KCNMB2: variants seen among roughly 807,000 people sequenced by gnomAD.
KCNMB2 encodes the protein calcium-activated potassium channel subunit beta-2.
A neutral mutation model predicts 24.5 loss-of-function variants in KCNMB2; 9 were observed. That is an observed-to-expected ratio of 0.37 (90% CI 0.22 to 0.64). The LOEUF (loss-of-function observed/expected upper bound fraction) is 0.64, where lower values mean the gene tolerates loss of function less well. Ranked by LOEUF, KCNMB2 falls within the 30% of genes least tolerant of loss-of-function variation. KCNMB2 has a pLI of 0.63. For missense variants in KCNMB2, 226 were observed against 284.3 expected, an observed-to-expected ratio of 0.79 and a Z score of 1.47; for synonymous variants, 109 against 104.4, an observed-to-expected ratio of 1.04 and a Z score of -0.27.
intron 1 of KCNMB2, among the ~76,000 whole-genome samples, chr3:178,630,040 T>C (rs1719259623): frequency 6.6e-6 from 1 of 152,214 alleles, no homozygotes; most frequent in African/African-American, 2.4e-5. Flanking sequence ...GAATCTCCAG[T>C]GCTAAAGGAA....
intron 1 of KCNMB2, among the ~76,000 whole-genome samples, chr3:178,679,566 A>C (rs867073054): frequency 1.3e-5 from 2 of 152,354 alleles, no homozygotes; most frequent in African/African-American, 2.4e-5. Flanking sequence ...GCTCAGAGTG[A>C]CATGCTGATT....
intron 1 of KCNMB2, among the ~76,000 whole-genome samples, chr3:178,737,202 G>A (rs1723346453): frequency 6.6e-6 from 1 of 152,080 alleles, no homozygotes; most frequent in South Asian, 2.1e-4. Flanking sequence ...CCCAGGAGGC[G>A]GAGGTTGCAG....
At position 178,696,828 on chromosome 3, in the gene KCNMB2, TA is replaced by T. The variant is rs1721895559; in HGVS notation, c.-67-110514del. Among the ~76,000 whole-genome samples, 3 of 148,730 alleles carry T rather than the reference TA, an allele frequency of 2.0e-5. No individual in the cohort carries two copies. In the East Asian group the frequency reaches 5.9e-4, roughly 29 times the overall value. On this transcript the variant is annotated intron_variant, in intron 1 of 4. Transcript: ENST00000452583. ...TGTTCTCAAAAGTAAATAATGATATTATTTACCAAAAAGTAAATTACTTTTA... is the reference window on the plus strand; with the variant it reads ...TGTTCTCAAAAGTAAATAATGATATTTTTACCAAAAAGTAAATTACTTTTA...
intron 1 of KCNMB2, among the ~76,000 whole-genome samples, chr3:178,557,195 C>T (rs1716153994): frequency 6.6e-6 from 1 of 152,142 alleles, no homozygotes; most frequent in African/African-American, 2.4e-5. Flanking sequence ...GGATTATTTA[C>T]TAGTTTTCCC....
At chr3:178,771,560 C>A (rs574513113) in intron 1 of KCNMB2, among the ~76,000 whole-genome samples, 1 of 143,742 alleles carries the variant, frequency 7.0e-6, no homozygotes, top group South Asian at 2.2e-4. Flanking sequence ...TAGCTCACTG[C>A]AGCCTCAACC....
chr3:178,622,305 A>G lies in KCNMB2; in HGVS notation c.-68+85594A>G, dbSNP rs144881035. 8.3e-3 allele frequency among the ~76,000 whole-genome samples: 1,262 copies of G among 152,286 alleles called. 8 individuals carry two copies. The highest frequency in any genetic ancestry group is 0.011 in the Non-Finnish European group (777 of 68,020). On this transcript the variant is annotated intron_variant, in intron 1 of 4. Coordinates refer to ENST00000452583, the MANE Select transcript of KCNMB2 (RefSeq NM_181361.3). ...TAAATATTTGAATTAATGAATGGAC[A>G]AATGAAAAGCTGAGTACACAGATCT...
chr3:178,698,334 T>C lies in KCNMB2; in HGVS notation c.-67-109009T>C, dbSNP rs59556092. ...CTTCATTCTTTTTCATTCTCTTTTC[T>C]CTATTCTTGTCTGCCTGTCTTATTT... On this transcript the variant is annotated intron_variant, in intron 1 of 4. Transcript: ENST00000452583. Among the ~76,000 whole-genome samples the C allele has an allele frequency of 1.9e-3, 255 of 135,230 alleles. 1 individual carries two copies. The highest frequency in any genetic ancestry group is 7.5e-3 in the African/African-American group (244 of 32,738). The allele number at this position is 135,230 out of a possible 152,430, so 88.7% of individuals were successfully genotyped here.
chr3:178,626,557 C>A (rs1025696443), intron 1 of KCNMB2, among the ~76,000 whole-genome samples: 1 of 152,056 alleles, frequency 6.6e-6, no homozygotes, highest in Non-Finnish European at 1.5e-5. Flanking sequence ...GAAGGGGAAG[C>A]AAATATGTCC....
At chr3:178,643,182 T>G (rs1476602421) in intron 1 of KCNMB2, among the ~76,000 whole-genome samples, 2 of 152,198 alleles carry the variant, frequency 1.3e-5, no homozygotes, top group Admixed American at 6.5e-5. Flanking sequence ...GTGATTTTAT[T>G]TATGGAACAT....
At chr3:178,553,831 C>T (rs1479554250) in intron 1 of KCNMB2, among the ~76,000 whole-genome samples, 1 of 152,072 alleles carries the variant, frequency 6.6e-6, no homozygotes, top group Non-Finnish European at 1.5e-5. Flanking sequence ...TGAGCCACCG[C>T]ACCCAGCCAG....
chr3:178,749,443 T>C (rs1163690072), intron 1 of KCNMB2, among the ~76,000 whole-genome samples: 7 of 152,228 alleles, frequency 4.6e-5, no homozygotes, highest in African/African-American at 2.4e-5. Flanking sequence ...GTCCAACTTA[T>C]TCAAAAGCTG....
intron 1 of KCNMB2, among the ~76,000 whole-genome samples, chr3:178,666,326 T>C (rs1720716978): frequency 6.6e-6 from 1 of 152,122 alleles, no homozygotes; most frequent in South Asian, 2.1e-4. Flanking sequence ...AGGGATCAGT[T>C]TAGTGATAAG....
intron 2 of KCNMB2, among the ~76,000 whole-genome samples, chr3:178,812,128 C>T (rs1714216497): frequency 6.6e-6 from 1 of 152,012 alleles, no homozygotes; most frequent in African/African-American, 2.4e-5. Flanking sequence ...TATAAAAGTC[C>T]ATATTAATTA....
intron 1 of KCNMB2, among the ~76,000 whole-genome samples, chr3:178,613,582 G>A (rs1718572039): frequency 6.6e-6 from 1 of 152,066 alleles, no homozygotes; most frequent in Non-Finnish European, 1.5e-5. Flanking sequence ...CCTTCATGAT[G>A]AAGGATATTT....
intron 1 of KCNMB2, among the ~76,000 whole-genome samples, chr3:178,650,447 C>T (rs1255357206): frequency 6.6e-6 from 1 of 152,052 alleles, no homozygotes; most frequent in Non-Finnish European, 1.5e-5. Flanking sequence ...GTGTTAAAGT[C>T]TCCTACTATT....
intron 2 of KCNMB2, among the ~76,000 whole-genome samples, chr3:178,822,091 C>T (rs1299432746): frequency 2.0e-5 from 3 of 152,162 alleles, no homozygotes; most frequent in African/African-American, 7.2e-5. Flanking sequence ...ACTTACAAAA[C>T]CCTTCATGGC....
chr3:178,818,895 T>C (rs1259951346), intron 2 of KCNMB2, among the ~76,000 whole-genome samples: 1 of 147,876 alleles, frequency 6.8e-6, no homozygotes, highest in African/African-American at 2.6e-5. Context: ...AACCACACTC[T>C]ACTACCTCTA....
chr3:178,726,524 T>C (rs1722972137), intron 1 of KCNMB2, among the ~76,000 whole-genome samples: 1 of 151,914 alleles, frequency 6.6e-6, no homozygotes, highest in African/African-American at 2.4e-5. Flanking sequence ...TATTTTACCT[T>C]CGTTCCTGAA....
At chr3:178,828,599 G>A (rs1478640326) in intron 4 of KCNMB2, among the ~76,000 whole-genome samples, 2 of 152,118 alleles carry the variant, frequency 1.3e-5, no homozygotes, top group Non-Finnish European at 2.9e-5. Context: ...TGCAGATTTA[G>A]CTTTCACTTC....
Sources: allele counts gnomAD v4.1 joint callset (sites outside exome capture counted in the v4.1 genomes callset), GRCh38; gene constraint gnomAD v4.1.1; transcripts MANE v1.5; gene names NCBI Gene and HGNC (gene_info 2026-07-23, HGNC 2026-07-21).